KIF13B: variants seen among roughly 807,000 people sequenced by gnomAD.
KIF13B encodes the protein kinesin-like protein KIF13B.
A neutral mutation model predicts 222.0 loss-of-function variants in KIF13B; 127 were observed. The observed-to-expected ratio is 0.57, with a 90% CI of 0.50 to 0.66. The LOEUF (loss-of-function observed/expected upper bound fraction) is 0.66. Among genes scored for constraint, KIF13B ranks in the 30% least tolerant of loss-of-function variants. The pLI is 0.00. For missense variants in KIF13B, 2,173 were observed against 2,379.0 expected (o/e 0.91, Z 1.80); for synonymous variants, 976 against 919.0 (o/e 1.06, Z -1.12).
chr8:29,120,181 T>G (rs1025457252), intron 29 of KIF13B, among the ~76,000 whole-genome samples: 26 of 145,288 alleles, frequency 1.8e-4, no homozygotes, highest in East Asian at 3.9e-4. Flanking sequence ...TTTTTTTTTT[T>G]TTTTTTTTTT....
At chr8:29,187,506 G>T (rs1198698380) in intron 5 of KIF13B, among the ~76,000 whole-genome samples, 1 of 152,132 alleles carries the variant, frequency 6.6e-6, no homozygotes, top group African/African-American at 2.4e-5. Context: ...ACTCCAGCCT[G>T]GACAACAGAG....
chr8:29,076,656 T>C (rs1807573972), intron 37 of KIF13B, among the ~76,000 whole-genome samples: 1 of 152,190 alleles, frequency 6.6e-6, no homozygotes, highest in East Asian at 1.9e-4. Context: ...TCGCTTCACC[T>C]GAGGGCACCA....
chr8:29,186,195 G>C (rs538122246), intron 6 of KIF13B, 97 bp downstream of exon 6: 33 of 931,892 alleles, frequency 3.5e-5, no homozygotes, highest in Non-Finnish European at 4.9e-5. Flanking sequence ...GTGACAGAGC[G>C]AGACCCTCTG....
chr8:29,117,294 A>T (rs146283023), intron 30 of KIF13B, among the ~76,000 whole-genome samples: 1 of 152,298 alleles, frequency 6.6e-6, no homozygotes, highest in African/African-American at 2.4e-5. Context: ...AGTGATTTGT[A>T]CCCCTTTCAT....
At chr8:29,114,955 A>ACAAAAG (rs1809525916) in intron 31 of KIF13B, among the ~76,000 whole-genome samples, 1 of 152,216 alleles carries the variant, frequency 6.6e-6, no homozygotes, top group Admixed American at 6.5e-5. Context: ...CAGACTCATG[A>ACAAAAG]GAAAAGGAAG....
At chr8:29,082,786 A>AGGATT (rs1807871637) in intron 37 of KIF13B, among the ~76,000 whole-genome samples, 1 of 152,278 alleles carries the variant, frequency 6.6e-6, no homozygotes, top group Non-Finnish European at 1.5e-5. Context: ...GTGTCCATGA[A>AGGATT]GGATTAAGGA....
intron 3 of KIF13B, among the ~76,000 whole-genome samples, chr8:29,194,839 CACA>C (rs1219804621): frequency 6.6e-6 from 1 of 152,144 alleles, no homozygotes; most frequent in Non-Finnish European, 1.5e-5. Flanking sequence ...TTTTAGTCAA[CACA>C]ACATTTTTTC....
At chr8:29,222,718 A>G (rs935678398) in intron 2 of KIF13B, among the ~76,000 whole-genome samples, 2 of 151,790 alleles carry the variant, frequency 1.3e-5, no homozygotes, top group Non-Finnish European at 2.9e-5. Flanking sequence ...CTTTTTCTCA[A>G]TTTCTTGGGT....
intron 2 of KIF13B, among the ~76,000 whole-genome samples, chr8:29,201,556 AGAAAG>A (rs1422159198): frequency 1.3e-5 from 2 of 152,250 alleles, no homozygotes; most frequent in Admixed American, 6.5e-5. Flanking sequence ...TAATATCAGT[AGAAAG>A]GAAAGTTATA....
intron 38 of KIF13B, 112 bp from the exon 39 acceptor site, chr8:29,072,428 G>A (rs1228549512): frequency 2.1e-5 from 13 of 609,982 alleles, no homozygotes; most frequent in East Asian, 3.5e-5. Context: ...GGCTCAGCCT[G>A]TAACCCCAGT....
chr8:29,083,348 T>A (rs1807899840), intron 37 of KIF13B, among the ~76,000 whole-genome samples: 1 of 152,204 alleles, frequency 6.6e-6, no homozygotes, highest in African/African-American at 2.4e-5. Context: ...CCACATGGCA[T>A]GCAAATCCTA....
chr8:29,155,922 C>T (rs1811501583), intron 13 of KIF13B, 66 bp from the exon 14 acceptor site: 1 of 1,283,592 alleles, frequency 7.8e-7, no homozygotes, highest in Non-Finnish European at 1.1e-6. Context: ...AAATCATTTA[C>T]ACTGAGCCCT....
Position 29,110,226 on chromosome 8 carries a change from G to T in KIF13B, c.3931-156C>A, listed in dbSNP as rs3736224. Among the ~76,000 whole-genome samples the T allele has an allele frequency of 4.8e-4, 73 of 152,282 alleles. 1 individual carries two copies. In the East Asian group the frequency reaches 0.011, roughly 24 times the overall value. ...ATTTTTCCAAGGAAATAATGAAAAG[G>T]TGATTAGGTGACTAGGTCCACTTGA... is the stretch of plus-strand genomic sequence containing the variant. On this transcript the variant is annotated intron_variant, in intron 32 of 39. Coordinates refer to ENST00000524189, the MANE Select transcript of KIF13B (RefSeq NM_015254.4).
chr8:29,153,680 C>A (rs1269110298), intron 14 of KIF13B, among the ~76,000 whole-genome samples: 38 of 140,678 alleles, frequency 2.7e-4, no homozygotes, highest in African/African-American at 2.6e-4. Context: ...TAACTCCTGC[C>A]AAAAAAAAAA....
In KIF13B at chr8:29,148,598, T is replaced by C; in HGVS notation, c.1792A>G (p.Met598Val). The C allele has an allele frequency of 6.2e-7, 1 of 1,609,116 alleles. No individual in the cohort carries two copies. Among genetic ancestry groups the C allele is most frequent in the Non-Finnish European group, 8.5e-7 (1 of 1,177,600 alleles). The change falls in exon 16 of 40, where the codon ATG becomes GTG. Residue 598 changes from methionine (M) to valine (V), a missense_variant. Met to Val is a conservative substitution (Grantham distance 21). Around this residue, in one of 2 missense-constraint regions of KIF13B, gnomAD observed 1,480 missense variants for 1,722.8 expected, o/e 0.86. Coordinates refer to ENST00000524189, the MANE Select transcript of KIF13B (RefSeq NM_015254.4). ...TCACCATTGCTGCCCAGGGCCTTCA[T>C]GGTGACCTCCATCTGTGCGTATTCG... is the stretch of plus-strand genomic sequence containing the variant. ...NYEYAQMEVT[M>V]KALGSNDPMQ... is the part of the protein sequence containing the mutation.
chr8:29,148,830 T>G, intron 15 of KIF13B, 63 bp from the exon 16 acceptor site: 2 of 1,337,408 alleles, frequency 1.5e-6, no homozygotes, highest in Non-Finnish European at 2.0e-6. Context: ...TGTCATTCAT[T>G]AAGTACTGGT....
At chr8:29,230,426 C>G (rs1295469427) in intron 2 of KIF13B, among the ~76,000 whole-genome samples, 1 of 152,188 alleles carries the variant, frequency 6.6e-6, no homozygotes, top group African/African-American at 2.4e-5. Flanking sequence ...TCCTTACTAT[C>G]CATACCAAGT....
intron 27 of KIF13B, 100 bp from the exon 28 acceptor site, chr8:29,123,592 C>G: frequency 1.4e-6 from 2 of 1,445,814 alleles, no homozygotes; most frequent in Non-Finnish European, 1.9e-6. Context: ...CAATTATTAG[C>G]TCACAAGTGC....
At chr8:29,169,567 A>C (rs968948820) in intron 10 of KIF13B, among the ~76,000 whole-genome samples, 2 of 152,234 alleles carry the variant, frequency 1.3e-5, no homozygotes, top group Non-Finnish European at 2.9e-5. Context: ...ATACCAGTGA[A>C]AGTTTGGTTT....
Sources: allele counts gnomAD v4.1 joint callset (sites outside exome capture counted in the v4.1 genomes callset), GRCh38; gene constraint gnomAD v4.1.1; regional missense constraint gnomAD v4.1.1; transcripts MANE v1.5; gene names NCBI Gene and HGNC (gene_info 2026-07-23, HGNC 2026-07-21).